The following ZNF248 variants were observed in gnomAD, a reference collection of about 807,000 sequenced individuals.
ZNF248 encodes the protein KRAB protein domain.
Under a neutral mutation model 44.3 loss-of-function variants are expected in ZNF248, and 20 were observed. The observed-to-expected ratio is 0.45, with a 90% confidence interval of 0.32 to 0.66. The LOEUF (loss-of-function observed/expected upper bound fraction) is 0.66, where lower values mean the gene tolerates loss of function less well. ZNF248 is among the 30% of genes least tolerant of loss of function. ZNF248 has a pLI of 0.04. For missense variants in ZNF248, 654 were observed against 677.0 expected, an observed-to-expected ratio of 0.97 and a Z score of 0.38; for synonymous variants, 224 against 229.0, an observed-to-expected ratio of 0.98 and a Z score of 0.20.
chr10:37,782,917 G>A (rs1288429388), intron 6 of ZNF248, among the ~76,000 whole-genome samples: 1 of 152,116 alleles, frequency 6.6e-6, no homozygotes, highest in African/African-American at 2.4e-5. Flanking sequence ...CCAGTTTTAG[G>A]TACTTTGTGA....
At chr10:37,787,350 A>C (rs1175215918) in intron 6 of ZNF248, among the ~76,000 whole-genome samples, 1 of 152,078 alleles carries the variant, frequency 6.6e-6, no homozygotes, top group Non-Finnish European at 1.5e-5. Flanking sequence ...AAGTTACCAA[A>C]ATCAAGACAG....
chr10:37,775,473 T>C (rs2132768606), downstream of ZNF248: 1 of 152,230 alleles, frequency 6.6e-6, no homozygotes, highest in South Asian at 2.1e-4. Context: ...TTCAGCTTCC[T>C]AAAAACTGCT....
chr10:37,833,038 T>C lies in ZNF248; in HGVS notation c.317A>G (p.His106Arg), dbSNP rs1187201000. 2.5e-6 allele frequency: 4 copies of C among 1,613,432 alleles called. No homozygotes were observed. Among genetic ancestry groups the C allele is most frequent in the Non-Finnish European group, 3.4e-6 (4 of 1,179,754 alleles). ...EDDHFWELLF[H>R]NNKTVSVENG... ...TTCTACACTTACTGTTTTGTTGTTG[T>C]GGAATAGAAGCTCCCAAAAATGGTC... The change falls in exon 6 of 6, where the codon CAC becomes CGC. Residue 106 changes from histidine to arginine, a missense_variant. Coordinates refer to ENST00000395867, the MANE Select transcript of ZNF248 (RefSeq NM_021045.3).
intron 6 of ZNF248, chr10:37,818,952 C>G: frequency 9.1e-7 from 1 of 1,101,748 alleles, no homozygotes; most frequent in East Asian, 2.5e-5. Flanking sequence ...TATTTGAGAT[C>G]TTTGGTGGTT....
At chr10:37,811,723 G>A (rs1342975190) in intron 6 of ZNF248, among the ~76,000 whole-genome samples, 1 of 151,220 alleles carries the variant, frequency 6.6e-6, no homozygotes, top group Non-Finnish European at 1.5e-5. Flanking sequence ...GCATGCCCCT[G>A]TAGTCCTAGC....
At chr10:37,805,364 G>A (rs1293657763) in intron 6 of ZNF248, among the ~76,000 whole-genome samples, 3 of 152,146 alleles carry the variant, frequency 2.0e-5, no homozygotes, top group African/African-American at 4.8e-5. Flanking sequence ...AGAAACTGGG[G>A]ATAGCCATAT....
rs1363964912 is a variant in ZNF248, at chr10:37,830,152, T to C, written c.*1463A>G. On this transcript the variant is annotated 3_prime_UTR_variant, in exon 6 of 6. Transcript: ENST00000395867. ...TCAAGGATATCAAAAGGGCCTTTCA[T>C]TACATACCGCCACTTTTTGAGGAGT... 3.0e-6 allele frequency: 3 copies of C among 985,416 alleles called. No individual in the cohort carries two copies. Among genetic ancestry groups the C allele is most frequent in the Non-Finnish European group, 3.6e-6 (3 of 829,930 alleles). 61.0% of individuals were successfully genotyped at this position (985,416 alleles called of 1,614,324 possible).
chr10:37,796,184 A>G (rs2049134232), intron 6 of ZNF248: 1 of 151,934 alleles, frequency 6.6e-6, no homozygotes, highest in South Asian at 2.1e-4. Flanking sequence ...ATAAATAGAA[A>G]TACCTGTGGT....
At chr10:37,821,455 G>A (rs1779144) in intron 6 of ZNF248, among the ~76,000 whole-genome samples, 9,104 of 152,176 alleles carry the variant, frequency 0.06, 348 homozygotes, top group Middle Eastern at 0.096. Context: ...ACTATGGACT[G>A]CTCACACCCC....
At chr10:37,795,339 G>A (rs2049026148) in intron 6 of ZNF248, 1 of 152,180 alleles carries the variant, frequency 6.6e-6, no homozygotes, top group Non-Finnish European at 1.5e-5. Flanking sequence ...TGTATGTGCT[G>A]TTTGATATAA....
In ZNF248 at chr10:37,832,298, C is replaced by T; in HGVS notation, c.1057G>A (p.Asp353Asn). 1 of 1,614,020 alleles carries T rather than the reference C, an allele frequency of 6.2e-7. No individual in the cohort carries two copies. The highest frequency in any genetic ancestry group is 1.3e-5 in the African/African-American group (1 of 75,026). The change falls in exon 6 of 6, where the codon GAT (aspartate) becomes AAT (asparagine). Residue 353 changes from aspartate (D) to asparagine (N), a missense_variant. Coordinates refer to ENST00000395867, the MANE Select transcript of ZNF248 (RefSeq NM_021045.3). ...AAATTACTCCCATTTTCATTGTAATCATAAGACTTTCCCCCCATGTGTACT... is the reference window on the plus strand; with the variant it reads ...AAATTACTCCCATTTTCATTGTAATTATAAGACTTTCCCCCCATGTGTACT... ...QIVHMGGKSY[D>N]YNENGSNFSK...
At chr10:37,811,387 C>T (rs1211614701) in intron 6 of ZNF248, among the ~76,000 whole-genome samples, 1 of 151,222 alleles carries the variant, frequency 6.6e-6, no homozygotes, top group East Asian at 1.9e-4. Context: ...GACTCTAATG[C>T]AATCTGAGAA....
At chr10:37,822,985 A>T (rs951168893) in intron 6 of ZNF248, among the ~76,000 whole-genome samples, 1 of 152,162 alleles carries the variant, frequency 6.6e-6, no homozygotes, top group African/African-American at 2.4e-5. Flanking sequence ...AAAAACATAC[A>T]GAATGTGCAG....
the ZNF248 span, among the ~76,000 whole-genome samples, chr10:37,759,190 C>A: frequency 2.0e-5 from 3 of 152,046 alleles, no homozygotes; most frequent in Admixed American, 6.6e-5. Context: ...GTTGCTAGAC[C>A]CATGTAAAAA....
At chr10:37,772,491 T>C (rs1193004448), downstream of ZNF248, among the ~76,000 whole-genome samples, 1 of 152,188 alleles carries the variant, frequency 6.6e-6, no homozygotes, top group Non-Finnish European at 1.5e-5. Flanking sequence ...TTTGGGATGT[T>C]GCTACTGTAT....
intron 6 of ZNF248, chr10:37,820,175 A>C: frequency 8.3e-7 from 1 of 1,207,296 alleles, no homozygotes; most frequent in Non-Finnish European, 1.2e-6. Context: ...CAGAATTCTT[A>C]CTGTTTTCTA....
At chr10:37,764,914 T>C in the ZNF248 span, among the ~76,000 whole-genome samples, 1 of 152,120 alleles carries the variant, frequency 6.6e-6, no homozygotes, top group Non-Finnish European at 1.5e-5. Flanking sequence ...TGCATGAATC[T>C]GCACTAGTTT....
chr10:37,820,129 C>G, intron 6 of ZNF248: 1 of 1,037,390 alleles, frequency 9.6e-7, no homozygotes. Flanking sequence ...ACAGTTGGCT[C>G]TTAATAAATC....
At chr10:37,834,573 G>A (rs1047405472) in intron 5 of ZNF248, among the ~76,000 whole-genome samples, 2 of 152,030 alleles carry the variant, frequency 1.3e-5, no homozygotes, top group African/African-American at 4.8e-5. Context: ...TTCTCTTTTG[G>A]AGAACAAAAA....
Sources: allele counts gnomAD v4.1 joint callset (sites outside exome capture counted in the v4.1 genomes callset), GRCh38; gene constraint gnomAD v4.1.1; transcripts MANE v1.5; gene names NCBI Gene and HGNC (gene_info 2026-07-23, HGNC 2026-07-21).